Variants in RPGRIP1 observed in about 807,000 individuals in gnomAD.
The protein encoded by RPGRIP1 is X-linked retinitis pigmentosa GTPase regulator-interacting protein 1.
RPGRIP1 carries 128 observed loss-of-function variants against 157.9 expected under a neutral mutation model. The ratio of observed to expected loss-of-function variants is 0.81; its 90% CI spans 0.70 to 0.94. RPGRIP1 has a LOEUF of 0.94. Among genes scored for constraint, RPGRIP1 ranks in the 40% least tolerant of loss-of-function variants. The pLI is 0.00. For missense variants in RPGRIP1, 1,486 were observed against 1,545.8 expected (o/e 0.96, Z 0.65); for synonymous variants, 554 against 571.6 (o/e 0.97, Z 0.44).
At chr14:21,302,667 G>C in intron 5 of RPGRIP1, 83 bp downstream of exon 5, 1 of 864,932 alleles carries the variant, frequency 1.2e-6, no homozygotes, top group Non-Finnish European at 1.8e-6. Flanking sequence ...ATGAATGTTG[G>C]TGATTTGAGT....
At chr14:21,280,622 T>C (rs528214392) in intron 1 of RPGRIP1, among the ~76,000 whole-genome samples, 2 of 152,294 alleles carry the variant, frequency 1.3e-5, no homozygotes, top group Admixed American at 1.3e-4. Context: ...TTTAATCCTG[T>C]CACCCTCTTA....
intron 12 of RPGRIP1, among the ~76,000 whole-genome samples, chr14:21,321,046 C>A (rs1382083760): frequency 6.6e-6 from 1 of 152,174 alleles, no homozygotes; most frequent in African/African-American, 2.4e-5. Flanking sequence ...AGCAAACAGC[C>A]ATTAGTGGCT....
At chr14:21,338,705 T>C (rs982067218) in intron 21 of RPGRIP1, among the ~76,000 whole-genome samples, 1 of 152,238 alleles carries the variant, frequency 6.6e-6, no homozygotes, top group African/African-American at 2.4e-5. Flanking sequence ...CAACCTAATA[T>C]GAATGAATAA....
Position 21,349,694 on chromosome 14 carries a change from G to A in RPGRIP1, c.3748+1392G>A, listed in dbSNP as rs142754694. ...GCTGGGATTACAGGCGTGAGCCACC[G>A]CGCCCAGCCATATAATTTCTAAACT... On this transcript the variant is annotated intron_variant, in intron 24 of 24. Transcript: ENST00000400017. Among the ~76,000 whole-genome samples, 78 of 152,114 alleles carry A rather than the reference G, an allele frequency of 5.1e-4. No homozygotes were observed. The East Asian group carries it at 0.015, about 28-fold the overall frequency.
At chr14:21,326,282 T>C in intron 17 of RPGRIP1, 109 bp downstream of exon 17, 1 of 703,668 alleles carries the variant, frequency 1.4e-6, no homozygotes, top group Non-Finnish European at 2.3e-6. Context: ...TCTTAAAACC[T>C]GAAGATAAAG....
intron 14 of RPGRIP1, chr14:21,323,915 G>T (rs562017141): frequency 6.5e-6 from 1 of 153,978 alleles, no homozygotes; most frequent in South Asian, 2.0e-4. Context: ...CCAATTTGAA[G>T]CAGGCTATAT....
rs529451328 is a variant in RPGRIP1 at position 21,284,961 on chromosome 14, G to A, written c.-38-2978G>A. ...CTCAGTGTCATTCTCTCTCTTGTTC[G>A]TTCATTCTACTTTTCATACATTCGG... On this transcript the variant is annotated intron_variant, in intron 1 of 24. Transcript: ENST00000400017. 1.5e-4 allele frequency among the ~76,000 whole-genome samples: 23 copies of A among 150,182 alleles called. No individual in the cohort carries two copies. The South Asian group carries it at 2.5e-3, about 16-fold the overall frequency.
intron 6 of RPGRIP1, among the ~76,000 whole-genome samples, chr14:21,304,990 G>A (rs1881237684): frequency 6.6e-6 from 1 of 152,030 alleles, no homozygotes; most frequent in Non-Finnish European, 1.5e-5. Context: ...TTTTAGTAGA[G>A]ACGGGGTTTC....
At position 21,348,193 on chromosome 14, in the gene RPGRIP1, T is replaced by G. The variant is rs753006380; in HGVS notation, c.3639T>G (p.Ser1213Arg). ...DQGHLKFTVVSDPLDEEKKEC... is the reference protein window; with the variant it reads ...DQGHLKFTVVRDPLDEEKKEC... ...TTAGTTTAAAGTTTACAGTGGTAAG[T>G]GATCCTCTGGATGAAGAAAAGAAAG... The change falls in exon 24 of 25, where the codon AGT becomes AGG. Residue 1213 changes from serine (S) to arginine (R), a missense_variant. Transcript: ENST00000400017. 6.3e-7 allele frequency: 1 copy of G among 1,584,820 alleles called. No individual in the cohort carries two copies. Among genetic ancestry groups the G allele is most frequent in the Non-Finnish European group, 8.6e-7 (1 of 1,164,836 alleles).
intron 1 of RPGRIP1, among the ~76,000 whole-genome samples, chr14:21,281,297 C>T (rs1000196714): frequency 7.2e-5 from 11 of 152,036 alleles, no homozygotes; most frequent in Non-Finnish European, 1.3e-4. Context: ...GCTGGGATTA[C>T]GGGCGTGAGC....
At chr14:21,328,395 G>A in intron 18 of RPGRIP1, 29 bp from the exon 19 acceptor site, 1 of 1,544,098 alleles carries the variant, frequency 6.5e-7, no homozygotes, top group Non-Finnish European at 8.8e-7. Flanking sequence ...CTACCAGCTT[G>A]TAATGCTATC....
At chr14:21,317,947 T>G (rs1178128725) in intron 11 of RPGRIP1, 97 bp downstream of exon 11, 5 of 1,017,978 alleles carry the variant, frequency 4.9e-6, no homozygotes, top group Non-Finnish European at 7.4e-6. Context: ...ATCCCCTCAC[T>G]TGATCCTATT....
chr14:21,319,898 T>A lies in RPGRIP1; in HGVS notation c.1307-119T>A, dbSNP rs528700745. The A allele has an allele frequency of 1.7e-4, 174 of 997,226 alleles. 4 individuals carry two copies. In the South Asian group the frequency reaches 2.7e-3, roughly 16 times the overall value. The allele number at this position is 997,226 out of a possible 1,614,324, so 61.8% of individuals were successfully genotyped here. A position where few individuals can be genotyped will look rare whatever the true frequency, so the allele number is the denominator to read the frequency against. ...TCTGTAGAAATAATAGAGAATTGCT[T>A]CTCAAATTTATAACATTAATTAAAC... On this transcript the variant is annotated intron_variant, in intron 11 of 24. Coordinates refer to ENST00000400017, the MANE Select transcript of RPGRIP1 (RefSeq NM_020366.4).
rs750336813 is a variant in RPGRIP1 at position 21,320,142 on chromosome 14, C to T, written c.1432C>T (p.His478Tyr). 3 of 1,613,968 alleles carry T rather than the reference C, an allele frequency of 1.9e-6. No homozygotes were observed. In the South Asian group the frequency reaches 3.3e-5, roughly 18 times the overall value. ...TGACAGGCAATCTGAACCAGCCACT[C>T]ACCCAGCTGTATTGCAAGAGAACAC... is the stretch of plus-strand genomic sequence containing the variant. ...PPDRQSEPATHPAVLQENTQI... is the reference protein window; with the variant it reads ...PPDRQSEPATYPAVLQENTQI... The change falls in exon 12 of 25, where the codon CAC (histidine) becomes TAC (tyrosine). Residue 478 changes from histidine (H) to tyrosine (Y), a missense_variant. Physicochemically the swap from His to Tyr is moderately conservative, Grantham distance 83 (BLOSUM62 2). Coordinates refer to ENST00000400017, the MANE Select transcript of RPGRIP1 (RefSeq NM_020366.4).
intron 21 of RPGRIP1, among the ~76,000 whole-genome samples, chr14:21,337,265 C>T (rs918177174): frequency 6.6e-6 from 1 of 152,026 alleles, no homozygotes; most frequent in African/African-American, 2.4e-5. Context: ...GCCTTGTCTC[C>T]TTATCTGTAA....
chr14:21,302,693 A>G, intron 5 of RPGRIP1, 109 bp downstream of exon 5: 2 of 670,074 alleles, frequency 3.0e-6, no homozygotes, highest in Non-Finnish European at 4.8e-6. Flanking sequence ...CAGCATGATC[A>G]GGGAAGATGA....
chr14:21,348,011 C>G (rs532114177), intron 23 of RPGRIP1, among the ~76,000 whole-genome samples, 161 bp from the exon 24 acceptor site: 1 of 152,112 alleles, frequency 6.6e-6, no homozygotes, highest in Non-Finnish European at 1.5e-5. Context: ...TAAATTATAC[C>G]AATTCCTGAC....
At chr14:21,340,800 C>G (rs1884920630) in intron 21 of RPGRIP1, among the ~76,000 whole-genome samples, 1 of 152,084 alleles carries the variant, frequency 6.6e-6, no homozygotes, top group African/African-American at 2.4e-5. Flanking sequence ...TTTCAAGAAA[C>G]CAGGCTTACT....
chr14:21,316,980 CCTG>C (rs2139185791), intron 10 of RPGRIP1, among the ~76,000 whole-genome samples: 1 of 151,882 alleles, frequency 6.6e-6, no homozygotes, highest in East Asian at 2.0e-4. Context: ...ATTAGCTGGG[CCTG>C]GTGGTGGGTT....
Sources: gnomAD v4.1 joint callset for allele counts (sites outside exome capture counted in the v4.1 genomes callset) on GRCh38, gnomAD v4.1.1 for gene constraint, MANE v1.5 for transcripts, NCBI Gene and HGNC (gene_info 2026-07-23, HGNC 2026-07-21) for gene names.